Variants in WWOX observed in about 807,000 individuals in gnomAD.
WWOX encodes the protein WW domain-containing oxidoreductase.
A neutral mutation model predicts 46.2 loss-of-function variants in WWOX; 69 were observed. The observed-to-expected ratio is 1.49, with a 90% CI of 1.23 to 1.82. The LOEUF (loss-of-function observed/expected upper bound fraction) is 1.82, where lower values mean the gene tolerates loss of function less well. Among genes scored for constraint, WWOX ranks in the 40% most tolerant of loss-of-function variants. The pLI is 0.00. For missense variants in WWOX, 919 were observed against 542.6 expected (o/e 1.69, Z -6.89); for synonymous variants, 359 against 202.6 (o/e 1.77, Z -6.56).
chr16:79,121,817 TAATA>T (rs1004134623), intron 8 of WWOX, among the ~76,000 whole-genome samples: 12 of 152,158 alleles, frequency 7.9e-5, no homozygotes, highest in Admixed American at 3.3e-4. Flanking sequence ...TCATCCCTAA[TAATA>T]AATAAACCAA....
At chr16:78,378,471 C>T (rs910751324) in intron 5 of WWOX, among the ~76,000 whole-genome samples, 1 of 152,158 alleles carries the variant, frequency 6.6e-6, no homozygotes, top group African/African-American at 2.4e-5. Context: ...TGCGATCACC[C>T]ATTGCCACCG....
At chr16:78,930,387 C>G (rs747646306) in intron 8 of WWOX, among the ~76,000 whole-genome samples, 1 of 151,096 alleles carries the variant, frequency 6.6e-6, no homozygotes, top group Admixed American at 6.6e-5. Context: ...AGGCGATCCT[C>G]ACACCTTAGC....
At chr16:78,736,595 T>TTTATTTTG (rs1009827694) in intron 8 of WWOX, among the ~76,000 whole-genome samples, 20 of 145,696 alleles carry the variant, frequency 1.4e-4, no homozygotes, top group African/African-American at 5.0e-4. Flanking sequence ...GTTTTGTTGT[T>TTTATTTTG]TTATTTTGTT....
At chr16:78,897,082 GAAA>G (rs200661293) in intron 8 of WWOX, 2 of 138,924 alleles carry the variant, frequency 1.4e-5, no homozygotes, top group Admixed American at 7.3e-5. Context: ...ACAAAAAAAA[GAAA>G]AAAAAAAAGA....
intron 8 of WWOX, among the ~76,000 whole-genome samples, chr16:78,746,041 A>AG (rs1272246329): frequency 6.6e-6 from 1 of 152,102 alleles, no homozygotes. Flanking sequence ...GGAGAGGTGG[A>AG]GGGGGGCTAC....
At chr16:78,290,581 G>C (rs2079844314) in intron 5 of WWOX, among the ~76,000 whole-genome samples, 1 of 152,096 alleles carries the variant, frequency 6.6e-6, no homozygotes, top group Non-Finnish European at 1.5e-5. Context: ...AAGCTCCTTA[G>C]TGTAGTACTT....
chr16:79,138,359 A>T (rs2050023460), intron 8 of WWOX, among the ~76,000 whole-genome samples: 2 of 152,192 alleles, frequency 1.3e-5, no homozygotes, highest in South Asian at 4.1e-4. Flanking sequence ...GTGACTCATG[A>T]TGTATCCTTC....
chr16:78,452,477 T>G (rs1038389010), intron 8 of WWOX, among the ~76,000 whole-genome samples: 2 of 126,128 alleles, frequency 1.6e-5, no homozygotes, highest in African/African-American at 6.7e-5. Context: ...CTCTCTCTCT[T>G]TTTTTTTTTT....
chr16:78,599,754 C>A (rs962760066), intron 8 of WWOX, among the ~76,000 whole-genome samples: 4 of 152,154 alleles, frequency 2.6e-5, no homozygotes, highest in African/African-American at 9.6e-5. Context: ...TTGTTACCCC[C>A]GGGAGACTGG....
chr16:78,742,311 C>T (rs773484399), intron 8 of WWOX, among the ~76,000 whole-genome samples: 1 of 152,190 alleles, frequency 6.6e-6, no homozygotes, highest in African/African-American at 2.4e-5. Context: ...TGTGACCCAT[C>T]AGGGCTTCAG....
intron 8 of WWOX, among the ~76,000 whole-genome samples, chr16:78,456,304 G>C (rs563221801): frequency 6.6e-6 from 1 of 152,286 alleles, no homozygotes; most frequent in South Asian, 2.1e-4. Context: ...ACGAGTGTCT[G>C]TGAATAGTGT....
chr16:78,599,191 A>G (rs574930761), intron 8 of WWOX, among the ~76,000 whole-genome samples: 1 of 152,298 alleles, frequency 6.6e-6, no homozygotes, highest in Admixed American at 6.5e-5. Context: ...CAGAAATGTA[A>G]ATCACCTCCA....
chr16:78,278,336 G>A (rs2079615731), intron 5 of WWOX, among the ~76,000 whole-genome samples: 1 of 152,154 alleles, frequency 6.6e-6, no homozygotes, highest in Non-Finnish European at 1.5e-5. Context: ...GTTCAAGGTT[G>A]TCAGCAATTC....
chr16:78,390,926 C>T (rs1055295509), intron 6 of WWOX, among the ~76,000 whole-genome samples: 2 of 152,138 alleles, frequency 1.3e-5, no homozygotes, highest in African/African-American at 2.4e-5. Flanking sequence ...CGTTTCAAAG[C>T]CTGTATGTGA....
intron 5 of WWOX, among the ~76,000 whole-genome samples, chr16:78,384,269 G>C (rs981358859): frequency 6.6e-6 from 1 of 152,116 alleles, no homozygotes; most frequent in East Asian, 1.9e-4. Flanking sequence ...GTAAGATTCT[G>C]CACGTGGCAG....
At chr16:78,420,592 C>G (rs2082902071) in intron 6 of WWOX, among the ~76,000 whole-genome samples, 1 of 150,418 alleles carries the variant, frequency 6.6e-6, no homozygotes, top group Admixed American at 6.6e-5. Flanking sequence ...ACAGAAAGTA[C>G]ACTGATGGTG....
chr16:79,180,449 C>G (rs564662946), intron 8 of WWOX, among the ~76,000 whole-genome samples: 243 of 152,198 alleles, frequency 1.6e-3, no homozygotes, highest in Middle Eastern at 3.4e-3. Flanking sequence ...GGACATAAAG[C>G]CTGGGGTGGT....
chr16:78,588,384 T>A (rs1326258968), intron 8 of WWOX, among the ~76,000 whole-genome samples: 2 of 152,174 alleles, frequency 1.3e-5, no homozygotes, highest in Non-Finnish European at 2.9e-5. Flanking sequence ...ATTTATATCT[T>A]GGGGGGCCAG....
At chr16:78,787,384 C>T (rs779543561) in intron 8 of WWOX, among the ~76,000 whole-genome samples, 1 of 152,126 alleles carries the variant, frequency 6.6e-6, no homozygotes, top group Non-Finnish European at 1.5e-5. Flanking sequence ...ATAGATTTGA[C>T]TATTCTGGAT....
Sources: gnomAD v4.1 joint callset for allele counts (sites outside exome capture counted in the v4.1 genomes callset) on GRCh38, gnomAD v4.1.1 for gene constraint, MANE v1.5 for transcripts, NCBI Gene and HGNC (gene_info 2026-07-23, HGNC 2026-07-21) for gene names.